The following XKR9 variants were observed in gnomAD, a reference collection of about 807,000 sequenced individuals.
XKR9 encodes the protein XK-related protein 9.
A neutral mutation model predicts 32.0 loss-of-function variants in XKR9; 32 were observed. The ratio of observed to expected loss-of-function variants is 1.00; its 90% CI spans 0.76 to 1.34. The LOEUF (loss-of-function observed/expected upper bound fraction) is 1.34. Among genes scored for constraint, XKR9 ranks in the 40% most tolerant of loss-of-function variants. The pLI is 0.00. For synonymous variants in XKR9, 168 were observed against 143.4 expected, an observed-to-expected ratio of 1.17 and a Z score of -1.22; for missense variants, 546 against 429.7, an observed-to-expected ratio of 1.27 and a Z score of -2.39.
chr8:71,056,522 T>C, the XKR9 span, among the ~76,000 whole-genome samples: 9,821 of 152,288 alleles, frequency 0.064, 456 homozygotes, highest in Non-Finnish European at 0.092. Context: ...TCATATGGCC[T>C]GGGCTTAAGC....
At chr8:70,855,360 C>T in the XKR9 span, among the ~76,000 whole-genome samples, 1 of 152,034 alleles carries the variant, frequency 6.6e-6, no homozygotes, top group Non-Finnish European at 1.5e-5. Context: ...ATTCAATCAA[C>T]TGGAAGAAAG....
At chr8:71,021,723 G>C in the XKR9 span, among the ~76,000 whole-genome samples, 30 of 152,010 alleles carry the variant, frequency 2.0e-4, no homozygotes, top group Non-Finnish European at 4.0e-4. Context: ...GGATGGTCTC[G>C]ATCTCCTGAC....
At chr8:70,977,512 C>T in the XKR9 span, among the ~76,000 whole-genome samples, 2 of 152,186 alleles carry the variant, frequency 1.3e-5, no homozygotes, top group Non-Finnish European at 2.9e-5. Context: ...CATTCAGGAA[C>T]ATTTTTCTCA....
the XKR9 span, among the ~76,000 whole-genome samples, chr8:70,981,407 T>A: frequency 3.9e-5 from 6 of 152,130 alleles, no homozygotes; most frequent in Admixed American, 2.0e-4. Flanking sequence ...CTGAAATTCT[T>A]TCTTCTGCTT....
At chr8:70,936,047 A>C in the XKR9 span, among the ~76,000 whole-genome samples, 1 of 152,020 alleles carries the variant, frequency 6.6e-6, no homozygotes, top group South Asian at 2.1e-4. Context: ...TTGGTGGATA[A>C]GAAACTGAAA....
chr8:70,781,013 T>C (rs1340606355), intron 2 of XKR9: 8 of 152,266 alleles, frequency 5.3e-5, no homozygotes, highest in East Asian at 1.9e-4. Flanking sequence ...CCAGTGATTC[T>C]CTTCCTCACT....
At chr8:70,778,419 TGTCTA>T in intron 2 of XKR9, among the ~76,000 whole-genome samples, 1 of 152,350 alleles carries the variant, frequency 6.6e-6, no homozygotes, top group East Asian at 1.9e-4. Flanking sequence ...AGGATTGTCT[TGTCTA>T]TGTGAGCTCT....
At chr8:70,822,797 C>A in the XKR9 span, among the ~76,000 whole-genome samples, 721 of 152,080 alleles carry the variant, frequency 4.7e-3, 3 homozygotes, top group Non-Finnish European at 8.1e-3. Flanking sequence ...AGACTCTCCC[C>A]CTACTGAGAC....
At chr8:70,805,562 A>G in the XKR9 span, among the ~76,000 whole-genome samples, 3 of 152,144 alleles carry the variant, frequency 2.0e-5, no homozygotes, top group African/African-American at 7.2e-5. Context: ...CTGTGCTTTT[A>G]CCCTGCTGAA....
chr8:71,050,796 AATC>A, the XKR9 span, among the ~76,000 whole-genome samples: 1 of 152,138 alleles, frequency 6.6e-6, no homozygotes, highest in African/African-American at 2.4e-5. Flanking sequence ...AAATAATAAT[AATC>A]ATTAGCTAGA....
chr8:70,728,402 A>T (rs1303703755), intron 4 of XKR9, among the ~76,000 whole-genome samples: 5 of 152,236 alleles, frequency 3.3e-5, no homozygotes, highest in Non-Finnish European at 4.4e-5. Flanking sequence ...CTGTCTGATC[A>T]TACTCACACA....
chr8:70,928,590 G>C, the XKR9 span, among the ~76,000 whole-genome samples: 3 of 151,962 alleles, frequency 2.0e-5, no homozygotes, highest in African/African-American at 7.3e-5. Context: ...TACTTTAGTT[G>C]ATATCTATAG....
chr8:70,986,390 T>G, the XKR9 span, among the ~76,000 whole-genome samples: 1 of 152,236 alleles, frequency 6.6e-6, no homozygotes, highest in Non-Finnish European at 1.5e-5. Flanking sequence ...ATTGAAAATC[T>G]CATACATTGT....
intron 4 of XKR9, among the ~76,000 whole-genome samples, chr8:70,726,077 A>G (rs915789619): frequency 1.3e-5 from 2 of 152,220 alleles, no homozygotes; most frequent in African/African-American, 4.8e-5. Flanking sequence ...AGGACAAGGT[A>G]GCAGTTTGGA....
chr8:70,900,162 AG>A, the XKR9 span, among the ~76,000 whole-genome samples: 9 of 152,186 alleles, frequency 5.9e-5, no homozygotes, highest in African/African-American at 2.2e-4. Context: ...TTCTTTAGAA[AG>A]GTTACTTCCC....
intron 2 of XKR9, among the ~76,000 whole-genome samples, chr8:70,756,218 C>A (rs1330358326): frequency 6.6e-6 from 1 of 152,162 alleles, no homozygotes; most frequent in African/African-American, 2.4e-5. Flanking sequence ...TTCTGTTCGA[C>A]TACTCTATAT....
chr8:71,017,585 A>C, the XKR9 span, among the ~76,000 whole-genome samples: 1 of 152,322 alleles, frequency 6.6e-6, no homozygotes, highest in South Asian at 2.1e-4. Context: ...CTCAACTCTA[A>C]GGGGTGTTGA....
chr8:70,844,853 GT>G, the XKR9 span, among the ~76,000 whole-genome samples: 1 of 152,154 alleles, frequency 6.6e-6, no homozygotes, highest in Non-Finnish European at 1.5e-5. Context: ...CCCAAGGGAT[GT>G]CCCCCCACTG....
chr8:70,975,576 C>G, the XKR9 span, among the ~76,000 whole-genome samples: 1 of 152,022 alleles, frequency 6.6e-6, no homozygotes, highest in African/African-American at 2.4e-5. Flanking sequence ...ATTTCTGAGG[C>G]CTCTGTTCTG....
Sources: gnomAD v4.1 joint callset for allele counts (sites outside exome capture counted in the v4.1 genomes callset) on GRCh38, gnomAD v4.1.1 for gene constraint, MANE v1.5 for transcripts, NCBI Gene and HGNC (gene_info 2026-07-23, HGNC 2026-07-21) for gene names.